CSMD1: variants seen among roughly 807,000 people sequenced by gnomAD.
The protein encoded by CSMD1 is CUB and sushi domain-containing protein 1.
A neutral mutation model predicts 417.5 loss-of-function variants in CSMD1; 213 were observed. That is an observed-to-expected ratio of 0.51 (90% confidence interval 0.46 to 0.57). The LOEUF is 0.57. Ranked by LOEUF, CSMD1 falls within the 20% of genes least tolerant of loss-of-function variation. The pLI is 0.00. For missense variants in CSMD1, 6,923 were observed against 4,529.7 expected (o/e 1.53, Z -15.17); for synonymous variants, 2,862 against 1,736.8 (o/e 1.65, Z -16.11).
intron 3 of CSMD1, among the ~76,000 whole-genome samples, chr8:4,161,355 T>C (rs912448724): frequency 1.9e-4 from 29 of 152,236 alleles, no homozygotes; most frequent in African/African-American, 6.5e-4. Context: ...TCTTTGACTG[T>C]AAAAATGCAG....
At chr8:4,330,014 C>G (rs1799778707) in intron 3 of CSMD1, among the ~76,000 whole-genome samples, 1 of 152,128 alleles carries the variant, frequency 6.6e-6, no homozygotes, top group African/African-American at 2.4e-5. Context: ...TCCTGTACAG[C>G]ATGCAGAACT....
At chr8:4,042,074 C>A (rs141314201) in intron 3 of CSMD1, among the ~76,000 whole-genome samples, 8 of 152,126 alleles carry the variant, frequency 5.3e-5, no homozygotes, top group Middle Eastern at 6.8e-3. Context: ...ATTAAACTCA[C>A]TGAAGGCAGG....
At chr8:4,449,147 A>T (rs909272745) in intron 2 of CSMD1, among the ~76,000 whole-genome samples, 1 of 152,244 alleles carries the variant, frequency 6.6e-6, no homozygotes, top group Non-Finnish European at 1.5e-5. Flanking sequence ...CAGACTTTGC[A>T]AATATTTAGC....
chr8:3,308,382 A>G lies in CSMD1; in HGVS notation c.3753T>C (p.His1251=). ...TCAAACAGGTCAGGGTGTTGCTGCC[A>G]TGCATGGCGTACCCCGGGTTGCAAC... ...LYSCNPGYAM[H]GSNTLTCLSG... Residue 1251 remains histidine, a synonymous_variant, in exon 24 of 70, where the codon CAT becomes CAC. Transcript: ENST00000635120. 2 of 1,613,878 alleles carry G rather than the reference A, an allele frequency of 1.2e-6. No individual in the cohort carries two copies. Among genetic ancestry groups the G allele is most frequent in the Non-Finnish European group, 1.7e-6 (2 of 1,179,816 alleles).
chr8:4,150,034 G>A lies in CSMD1; in HGVS notation c.416-117935C>T, dbSNP rs187946365. 1.0e-3 allele frequency among the ~76,000 whole-genome samples: 159 copies of A among 152,282 alleles called. 1 individual carries two copies. The highest frequency in any genetic ancestry group is 1.0e-3 in the South Asian group (5 of 4,826). On this transcript the variant is annotated intron_variant, in intron 3 of 69. Transcript: ENST00000635120. ...CTTTAAAATATCCTCAACGCTGCAC[G>A]TAAAAGGCACGTGTTGCTGTGGGTG... is the stretch of plus-strand genomic sequence containing the variant.
chr8:4,268,096 A>G (rs574562994), intron 3 of CSMD1, among the ~76,000 whole-genome samples: 1 of 152,158 alleles, frequency 6.6e-6, no homozygotes, highest in Non-Finnish European at 1.5e-5. Flanking sequence ...ACATTGTTAC[A>G]AAAAACCTAA....
intron 7 of CSMD1, among the ~76,000 whole-genome samples, chr8:3,689,800 A>G (rs760708048): frequency 1.4e-4 from 21 of 152,214 alleles, no homozygotes; most frequent in Non-Finnish European, 2.8e-4. Flanking sequence ...GTTACAGTCT[A>G]TTCATTGGAG....
chr8:3,999,119 T>C (rs995887895), intron 4 of CSMD1, among the ~76,000 whole-genome samples: 10 of 151,720 alleles, frequency 6.6e-5, no homozygotes, highest in Non-Finnish European at 1.5e-4. Context: ...GCATGTTTTT[T>C]AAAATTTCTT....
intron 5 of CSMD1, among the ~76,000 whole-genome samples, chr8:3,860,875 T>G (rs1804653483): frequency 6.6e-6 from 1 of 152,204 alleles, no homozygotes; most frequent in Non-Finnish European, 1.5e-5. Flanking sequence ...CAAAGTTCAC[T>G]TTAAGTTCAG....
chr8:3,664,514 G>A (rs1245462243), intron 7 of CSMD1, among the ~76,000 whole-genome samples: 1 of 152,192 alleles, frequency 6.6e-6, no homozygotes, highest in Non-Finnish European at 1.5e-5. Flanking sequence ...TATCCTCCAG[G>A]ATTGTATGCT....
chr8:4,092,110 G>A (rs959531279), intron 3 of CSMD1, among the ~76,000 whole-genome samples: 1 of 152,104 alleles, frequency 6.6e-6, no homozygotes, highest in African/African-American at 2.4e-5. Context: ...ATTATTCTTA[G>A]AGAAATACTT....
At position 3,971,418 on chromosome 8, in the gene CSMD1, AT is replaced by A. The variant is rs1034899573; in HGVS notation, c.818+26484del. 3.6e-3 allele frequency among the ~76,000 whole-genome samples: 545 copies of A among 152,208 alleles called. 5 individuals carry two copies. Among genetic ancestry groups the A allele is most frequent in the African/African-American group, 0.013 (522 of 41,536 alleles). On this transcript the variant is annotated intron_variant, in intron 5 of 69. Coordinates refer to ENST00000635120, the MANE Select transcript of CSMD1 (RefSeq NM_033225.6). ...GTTTTTATAAAATGTTTTTCAATAT[AT>A]TTTTTGGCCCTCTCTATAAGCTTTG... is the stretch of plus-strand genomic sequence containing the variant.
chr8:3,971,155 CT>C (rs200335931), intron 5 of CSMD1, among the ~76,000 whole-genome samples: 21,637 of 152,134 alleles, frequency 0.14, 1,605 homozygotes, highest in South Asian at 0.21. Context: ...TCTATTTACG[CT>C]GCCTCCTGGC....
At chr8:3,994,449 A>G (rs866637796) in intron 5 of CSMD1, among the ~76,000 whole-genome samples, 30,906 of 136,062 alleles carry the variant, frequency 0.23, 3,402 homozygotes, top group African/African-American at 0.3. Context: ...TCTCTTCAGA[A>G]AAAAAAAAAA....
At chr8:4,249,582 G>A (rs17334654) in intron 3 of CSMD1, among the ~76,000 whole-genome samples, 1 of 152,128 alleles carries the variant, frequency 6.6e-6, no homozygotes, top group Non-Finnish European at 1.5e-5. Context: ...TTAGCTTGAA[G>A]CTGTGTATTG....
At chr8:4,620,001 T>G (rs1482355818) in intron 2 of CSMD1, among the ~76,000 whole-genome samples, 1 of 152,058 alleles carries the variant, frequency 6.6e-6, no homozygotes, top group East Asian at 1.9e-4. Flanking sequence ...AATATGTTCT[T>G]AAGCATTGAT....
rs1328026842 is a variant in CSMD1, at chr8:3,928,700, T to C, written c.818+69203A>G. Among the ~76,000 whole-genome samples, 2 of 150,418 alleles carry C rather than the reference T, an allele frequency of 1.3e-5. 1 individual carries two copies. The highest frequency in any genetic ancestry group is 3.0e-5 in the Non-Finnish European group (2 of 67,522). ...TTTTTTTTAAATTGCTCCTGCTCTT[T>C]GGATCTATGCTATTTCTTAATATAC... On this transcript the variant is annotated intron_variant, in intron 5 of 69. Coordinates refer to ENST00000635120, the MANE Select transcript of CSMD1 (RefSeq NM_033225.6).
In CSMD1 at chr8:3,387,702, G is replaced by T. The variant is rs979349798; in HGVS notation, c.2594-20C>A. On this transcript the variant is annotated intron_variant, in intron 17 of 69. Coordinates refer to ENST00000635120, the MANE Select transcript of CSMD1 (RefSeq NM_033225.6). ...TCACACCTGGATGCACAGAACGAAT[G>T]CAGTCGATGAGGATCTTTCTGGTTG... 3 of 1,572,334 alleles carry T rather than the reference G, an allele frequency of 1.9e-6. No homozygotes were observed. The highest frequency in any genetic ancestry group is 2.6e-6 in the Non-Finnish European group (3 of 1,157,256).
chr8:4,598,048 G>C (rs943717307), intron 2 of CSMD1, among the ~76,000 whole-genome samples: 9 of 151,784 alleles, frequency 5.9e-5, no homozygotes, highest in African/African-American at 2.2e-4. Context: ...ATTCACAATT[G>C]CATGTCTTTA....
Sources: allele counts gnomAD v4.1 joint callset (sites outside exome capture counted in the v4.1 genomes callset), GRCh38; gene constraint gnomAD v4.1.1; transcripts MANE v1.5; gene names NCBI Gene and HGNC (gene_info 2026-07-23, HGNC 2026-07-21).